VPS13D: variants seen among roughly 807,000 people sequenced by gnomAD.
The protein encoded by VPS13D is vacuolar protein sorting 13 homolog D.
VPS13D carries 187 observed loss-of-function variants against 461.9 expected under a neutral mutation model. The ratio of observed to expected loss-of-function variants is 0.40; its 90% confidence interval spans 0.36 to 0.46. The LOEUF (loss-of-function observed/expected upper bound fraction) is 0.46, where lower values mean the gene tolerates loss of function less well. Among genes scored for constraint, VPS13D ranks in the 20% least tolerant of loss-of-function variants. The probability of loss-of-function intolerance (pLI) is 0.60; values close to 1 mark genes in which losing one functional copy is unlikely to be tolerated. For missense variants in VPS13D, 4,711 were observed against 5,364.9 expected (o/e 0.88, Z 3.81); for synonymous variants, 1,951 against 1,986.3 (o/e 0.98, Z 0.47).
chr1:12,438,150 G>T (rs1342842820), intron 65 of VPS13D, among the ~76,000 whole-genome samples: 1 of 152,156 alleles, frequency 6.6e-6, no homozygotes, highest in Admixed American at 6.5e-5. Flanking sequence ...AGGACTTAGA[G>T]AAATTTTCTT....
chr1:12,276,387 T>C lies in VPS13D; in HGVS notation c.2799T>C (p.Asn933=), dbSNP rs1557680124. The C allele has an allele frequency of 1.2e-6, 2 of 1,614,062 alleles. No individual in the cohort carries two copies. Among genetic ancestry groups the C allele is most frequent in the Non-Finnish European group, 1.7e-6 (2 of 1,180,022 alleles). ...QRGSLQDSVM[N]LTQSIVLLEQ... is the part of the protein sequence containing the mutation. The stretch of plus-strand genomic sequence containing the variant: ...GAAGTTTGCAAGACTCCGTAATGAA[T>C]TTAACCCAGAGCATTGTGTTGTTGG... The change falls in exon 19 of 70, where the codon AAT becomes AAC. Residue 933 remains asparagine (N), a synonymous_variant. Transcript: ENST00000620676. The surrounding 1 kb of genome is among the most constrained non-coding windows in gnomAD (Gnocchi z 4.5).
At chr1:12,262,941 C>T (rs1373696578) in intron 13 of VPS13D, among the ~76,000 whole-genome samples, 1 of 152,078 alleles carries the variant, frequency 6.6e-6, no homozygotes, top group African/African-American at 2.4e-5. Context: ...TGACCTCAAG[C>T]AATCTGTCCT....
intron 63 of VPS13D, chr1:12,409,777 A>G (rs1644699265): frequency 2.3e-6 from 1 of 433,512 alleles, no homozygotes; most frequent in Admixed American, 2.7e-5. Context: ...GAGAACTTCA[A>G]GAAAAGACAG....
In VPS13D at chr1:12,359,694, TC is replaced by T. The variant is rs1238488450; in HGVS notation, c.10141+1095del. Among the ~76,000 whole-genome samples the T allele has an allele frequency of 3.9e-5, 6 of 152,308 alleles. No individual in the cohort carries two copies. In the South Asian group the frequency reaches 1.2e-3, roughly 32 times the overall value. On this transcript the variant is annotated intron_variant, in intron 50 of 69. Coordinates refer to ENST00000620676, the MANE Select transcript of VPS13D (RefSeq NM_015378.4). ...TGAGGATTTATTAATAAAAGAATCT[TC>T]CAAGTATAGTTTCCTCTTTGGATTT...
At chr1:12,370,604 T>C (rs1483973950) in intron 54 of VPS13D, among the ~76,000 whole-genome samples, 2 of 152,246 alleles carry the variant, frequency 1.3e-5, no homozygotes, top group African/African-American at 4.8e-5. Context: ...AGGACCATTC[T>C]TTCTTTGTCT....
intron 67 of VPS13D, among the ~76,000 whole-genome samples, chr1:12,496,209 G>A (rs151164032): frequency 9.2e-5 from 14 of 152,258 alleles, no homozygotes; most frequent in Non-Finnish European, 1.5e-4. Context: ...TACTGAAGAC[G>A]TCCTTATAAC....
At position 12,276,444 on chromosome 1, in the gene VPS13D, G is replaced by A. The variant is rs137965762; in HGVS notation, c.2856G>A (p.Ser952=). The A allele has an allele frequency of 2.1e-4, 331 of 1,614,144 alleles. 4 individuals carry two copies. Among genetic ancestry groups the A allele is most frequent in the South Asian group, 2.0e-3 (186 of 91,074 alleles). Reference sequence around the variant, plus strand: ...ATACCCGCGAGGTTCTGGTGGAGTCGCAGCTCCTCCTGGCGGAATTTAAAG... The same window carrying A: ...ATACCCGCGAGGTTCTGGTGGAGTCACAGCTCCTCCTGGCGGAATTTAAAG... ...EQHTREVLVE[S]QLLLAEFKVN... Residue 952 remains serine (S), a synonymous_variant, in exon 19 of 70, where the codon TCG becomes TCA. Transcript: ENST00000620676. The surrounding 1 kb of genome is among the most constrained non-coding windows in gnomAD (Gnocchi z 4.5).
At chr1:12,249,818 G>A (rs1183163911) in intron 6 of VPS13D, among the ~76,000 whole-genome samples, 1 of 152,118 alleles carries the variant, frequency 6.6e-6, no homozygotes, top group South Asian at 2.1e-4. Flanking sequence ...GACACCAGAC[G>A]TGTGAGGATT....
At position 12,304,610 on chromosome 1, in the gene VPS13D, G is replaced by C; in HGVS notation, c.6321G>C (p.Thr2107=). The C allele has an allele frequency of 2.5e-6, 4 of 1,614,104 alleles. No homozygotes were observed. Among genetic ancestry groups the C allele is most frequent in the Non-Finnish European group, 3.4e-6 (4 of 1,180,024 alleles). ...GAACCCATTCCCAGGGGCAGTTCAC[G>C]ATGCCTCTTGCTGGAATGAGCCTAG... ...PRGTHSQGQF[T]MPLAGMSLGS... The change falls in exon 26 of 70, where the codon ACG becomes ACC. Residue 2107 remains threonine (T), a synonymous_variant. Transcript: ENST00000620676.
rs868755481 is a variant in VPS13D at position 12,333,301 on chromosome 1, C to G, written c.8363C>G (p.Pro2788Arg). The G allele has an allele frequency of 1.4e-5, 22 of 1,614,138 alleles. 1 individual carries two copies. In the Middle Eastern group the frequency reaches 2.5e-3, roughly 182 times the overall value. The stretch of plus-strand genomic sequence containing the variant: ...CAGGCAGCTAGTCGTCTCCATCCTC[C>G]TCGACTGAAGCTAGAAGCCAAGGCC... ...QQQAASRLHP[P>R]RLKLEAKAKP... is the part of the protein sequence containing the mutation. Residue 2788 changes from proline (P) to arginine (R), a missense_variant, in exon 38 of 70, where the codon CCT becomes CGT. By Grantham distance (103) the Pro-to-Arg change is moderately radical (BLOSUM62 -2). This residue lies in a region of VPS13D where 4,411 missense variants were observed against 4,937.8 expected (regional missense o/e 0.89). Coordinates refer to ENST00000620676, the MANE Select transcript of VPS13D (RefSeq NM_015378.4).
chr1:12,400,309 T>C lies in VPS13D; in HGVS notation c.11763T>C (p.Ser3921=), dbSNP rs201244073. 4 of 1,613,840 alleles carry C rather than the reference T, an allele frequency of 2.5e-6. No individual in the cohort carries two copies. Among genetic ancestry groups the C allele is most frequent in the African/African-American group, 1.3e-5 (1 of 74,852 alleles). The change falls in exon 61 of 70, where the codon AGT becomes AGC. Residue 3921 remains serine, a synonymous_variant. Coordinates refer to ENST00000620676, the MANE Select transcript of VPS13D (RefSeq NM_015378.4). ...ACGCAGTGAAGTTCCCCAGTAAGAG[T>C]GCACTGACCAACATCTACAAGGTGG... ...QVNAVKFPSK[S]ALTNIYKHLM...
chr1:12,447,205 A>G (rs1645203988), intron 65 of VPS13D, among the ~76,000 whole-genome samples: 1 of 152,190 alleles, frequency 6.6e-6, no homozygotes, highest in Non-Finnish European at 1.5e-5. Context: ...ATATCTCTGT[A>G]TAATTTTCAC....
At chr1:12,361,398 T>A (rs1273384504) in intron 50 of VPS13D, among the ~76,000 whole-genome samples, 3 of 144,968 alleles carry the variant, frequency 2.1e-5, no homozygotes, top group South Asian at 2.2e-4. Context: ...TTTATTTATT[T>A]ATTTATTTTT....
intron 65 of VPS13D, among the ~76,000 whole-genome samples, chr1:12,436,580 C>T (rs1419259718): frequency 2.0e-5 from 3 of 152,178 alleles, no homozygotes; most frequent in African/African-American, 4.8e-5. Context: ...GAATGTTTCA[C>T]TTTTTGAGCC....
At chr1:12,315,061 G>T (rs1389274792) in intron 30 of VPS13D, among the ~76,000 whole-genome samples, 1 of 152,184 alleles carries the variant, frequency 6.6e-6, no homozygotes. Flanking sequence ...GTTGTTTTAT[G>T]ATATACCATT....
chr1:12,493,252 G>T (rs1304592899), intron 67 of VPS13D, among the ~76,000 whole-genome samples: 10 of 151,590 alleles, frequency 6.6e-5, no homozygotes, highest in Admixed American at 6.6e-4. Flanking sequence ...ACTTTGGGAG[G>T]CCGAGGCGGG....
chr1:12,295,368 G>A (rs767225463), intron 24 of VPS13D, among the ~76,000 whole-genome samples: 1 of 152,036 alleles, frequency 6.6e-6, no homozygotes, highest in Non-Finnish European at 1.5e-5. Context: ...TGGTACAGTA[G>A]CAAAGTGAAA....
intron 2 of VPS13D, among the ~76,000 whole-genome samples, chr1:12,242,247 G>A (rs913650154): frequency 1.3e-5 from 2 of 152,188 alleles, no homozygotes; most frequent in African/African-American, 4.8e-5. Context: ...AAGCGTATGG[G>A]CTGGTGGTAG....
rs1420285588 is a variant in VPS13D at position 12,373,781 on chromosome 1, T to C, written c.10840T>C (p.Ser3614Pro). 1 of 1,565,990 alleles carries C rather than the reference T, an allele frequency of 6.4e-7. No homozygotes were observed. The change falls in exon 55 of 70, where the codon TCC becomes CCC. Residue 3614 changes from serine to proline, a missense_variant. Physicochemically the swap from Ser to Pro is moderately conservative, Grantham distance 74. This residue lies in a region of VPS13D where 4,411 missense variants were observed against 4,937.8 expected (regional missense o/e 0.89). Transcript: ENST00000620676. ...GGAGGGAACAGGCAGGCCTGTGGCT[T>C]CCAACAAGGCCATTACCTGTGCGGA... is the stretch of plus-strand genomic sequence containing the variant. ...LQEGTGRPVA[S>P]NKAITCAELV... is the part of the protein sequence containing the mutation.
Sources: gnomAD v4.1 joint callset for allele counts (sites outside exome capture counted in the v4.1 genomes callset) on GRCh38, gnomAD v4.1.1 for gene constraint, gnomAD v4.1.1 regional missense constraint, Gnocchi (gnomAD v3.1) non-coding constraint, MANE v1.5 for transcripts, NCBI Gene and HGNC (gene_info 2026-07-23, HGNC 2026-07-21) for gene names.